The following CD99L2 variants were observed in gnomAD, a reference collection of about 807,000 sequenced individuals.
CD99L2 encodes CD99 molecule like 2, also known as CD99 antigen-like protein 2.
In CD99L2, 24 loss-of-function variants were observed where a neutral mutation model predicts 27.3. The ratio of observed to expected loss-of-function variants is 0.88; its 90% confidence interval spans 0.64 to 1.24. The LOEUF (loss-of-function observed/expected upper bound fraction) is 1.24. CD99L2 is among the 50% of genes most tolerant of loss of function. The pLI, the probability that CD99L2 is intolerant of heterozygous loss-of-function variation, is 0.00. For synonymous variants in CD99L2, 97 were observed against 87.9 expected (o/e 1.10, Z -0.58); for missense variants, 255 against 221.6 (o/e 1.15, Z -0.96).
chrX:150,852,252 G>C (rs1208004460), intron 1 of CD99L2, among the ~76,000 whole-genome samples: 1 of 111,394 alleles, frequency 9.0e-6, no homozygotes, highest in Non-Finnish European at 1.9e-5. Flanking sequence ...AGACTTGTTT[G>C]TAGGAGGCCA....
rs782304117 is a variant in CD99L2, at chrX:150,776,220, G to A, written c.609C>T (p.Ser203=). The stretch of plus-strand genomic sequence containing the variant: ...TCTTCTGCTGGTAGGAGATGTAGCT[G>A]GAGACGGCACCGATGAGGGCCATGG... ...ALAMALIGAV[S]SYISYQQKKF... Residue 203 remains serine, a synonymous_variant, in exon 9 of 11, where the codon TCC becomes TCT. Transcript: ENST00000370377. 8.3e-7 allele frequency: 1 copy of A among 1,211,957 alleles called. No homozygotes were observed.
At chrX:150,875,195 T>A (rs1179841231) in intron 1 of CD99L2, among the ~76,000 whole-genome samples, 1 of 112,072 alleles carries the variant, frequency 8.9e-6, no homozygotes, top group Non-Finnish European at 1.9e-5. Context: ...TTGAGATAAT[T>A]ACAGATTCAC....
chrX:150,851,643 C>G (rs1156562121), intron 1 of CD99L2, among the ~76,000 whole-genome samples: 1 of 112,200 alleles, frequency 8.9e-6, no homozygotes, highest in Non-Finnish European at 1.9e-5. Flanking sequence ...ATGGGTGGCC[C>G]TGGGTTAAAA....
chrX:150,789,902 A>C (rs1557419675), intron 7 of CD99L2, among the ~76,000 whole-genome samples: 1 of 112,264 alleles, frequency 8.9e-6, no homozygotes, highest in East Asian at 2.8e-4. Context: ...AGTTTTATTT[A>C]TAGCAGTTTT....
rs1363075845 is a variant in CD99L2 at position 150,824,188 on chromosome X, GGAAGAAGAA to G, written c.130+7034_130+7042del. Among the ~76,000 whole-genome samples, 151 of 70,480 alleles carry G rather than the reference GGAAGAAGAA, an allele frequency of 2.1e-3. 2 individuals are homozygous for G. Among genetic ancestry groups the G allele is most frequent in the East Asian group, 3.5e-3 (7 of 1,993 alleles). 61.2% of individuals were successfully genotyped at this position (70,480 alleles called of 115,157 possible). A position where few individuals can be genotyped will look rare whatever the true frequency, so the allele number is the denominator to read the frequency against. ...AGGAGGAGGAGGAGAAGGAGGAGGAGGAAGAAGAAGAGGAGGAGGAAGAGGAGGAGGAAG... is the reference window on the plus strand; with the variant it reads ...AGGAGGAGGAGGAGAAGGAGGAGGAGGAGGAGGAGGAAGAGGAGGAGGAAG... On this transcript the variant is annotated intron_variant, in intron 2 of 10. Transcript: ENST00000370377.
intron 1 of CD99L2, among the ~76,000 whole-genome samples, chrX:150,877,944 C>T (rs782063644): frequency 4.1e-5 from 4 of 97,227 alleles, no homozygotes; most frequent in Non-Finnish European, 8.1e-5. Flanking sequence ...AGAGTAAGAC[C>T]TTATCTCAAA....
chrX:150,784,060 G>A (rs782742285), intron 7 of CD99L2, among the ~76,000 whole-genome samples: 1 of 111,611 alleles, frequency 9.0e-6, no homozygotes, highest in Non-Finnish European at 1.9e-5. Context: ...GAGCAACGGA[G>A]TAGACACTGC....
chrX:150,840,243 GA>G (rs1395702607), intron 1 of CD99L2, among the ~76,000 whole-genome samples: 3 of 105,269 alleles, frequency 2.8e-5, no homozygotes, highest in African/African-American at 7.0e-5. Flanking sequence ...GAAAAAGAAA[GA>G]AAAAAAAGAA....
chrX:150,844,534 T>TACC (rs1316395556), intron 1 of CD99L2, among the ~76,000 whole-genome samples: 1 of 112,008 alleles, frequency 8.9e-6, no homozygotes, highest in East Asian at 2.8e-4. Flanking sequence ...TAACTCTTGT[T>TACC]ACCTCAGTCT....
chrX:150,770,650 G>T (rs782432613), intron 9 of CD99L2, among the ~76,000 whole-genome samples: 1 of 113,100 alleles, frequency 8.8e-6, no homozygotes, highest in South Asian at 3.6e-4. Context: ...AGCTGCCACC[G>T]CGTCAAGACG....
chrX:150,877,795 G>T (rs1446563835), intron 1 of CD99L2, among the ~76,000 whole-genome samples: 1 of 110,867 alleles, frequency 9.0e-6, no homozygotes, highest in African/African-American at 3.3e-5. Context: ...TTCCAGCCTG[G>T]GCAACAGTGA....
At chrX:150,809,342 A>G (rs1486093411) in intron 4 of CD99L2, among the ~76,000 whole-genome samples, 2 of 112,254 alleles carry the variant, frequency 1.8e-5, no homozygotes, top group African/African-American at 6.5e-5. Flanking sequence ...GCAACCTTGT[A>G]TAAGACACTG....
intron 7 of CD99L2, among the ~76,000 whole-genome samples, chrX:150,782,825 T>C (rs189666817): frequency 6.6e-4 from 73 of 110,943 alleles, no homozygotes; most frequent in African/African-American, 2.4e-3. Context: ...TAACATCCTA[T>C]TGGGGGTTAG....
chrX:150,824,310 G>A (rs1156989753), intron 2 of CD99L2, among the ~76,000 whole-genome samples: 2 of 75,608 alleles, frequency 2.6e-5, no homozygotes, highest in Admixed American at 1.4e-4. Flanking sequence ...AAGAAGAGGA[G>A]GAGGAGGAGG....
In CD99L2 at chrX:150,893,859, G is replaced by A. The variant is rs782817657; in HGVS notation, c.67+4663C>T. ...GCCTCCCGAGTAGCTGGGACTACAA[G>A]CGTGTACCACCATGCCCAGCTAATT... On this transcript the variant is annotated intron_variant, in intron 1 of 10. Transcript: ENST00000370377. Among the ~76,000 whole-genome samples, 140 of 109,880 alleles carry A rather than the reference G, an allele frequency of 1.3e-3. 2 individuals are homozygous for A. In the Middle Eastern group the frequency reaches 0.028, roughly 22 times the overall value.
rs62609314 is a variant in CD99L2 at position 150,865,553 on chromosome X, T to C, written c.67+32969A>G. Among the ~76,000 whole-genome samples the C allele has an allele frequency of 3.5e-3, 395 of 111,640 alleles. 1 individual carries two copies. Among genetic ancestry groups the C allele is most frequent in the Non-Finnish European group, 6.4e-3 (342 of 53,083 alleles). ...AGAGAGGGGTCTTGCACACCTTCCA[T>C]GGTGACCTGAGATGTGAGATGAACT... On this transcript the variant is annotated intron_variant, in intron 1 of 10. Coordinates refer to ENST00000370377, the MANE Select transcript of CD99L2 (RefSeq NM_031462.4).
intron 5 of CD99L2, 48 bp downstream of exon 5, chrX:150,795,370 C>T (rs2045779025): frequency 2.5e-6 from 3 of 1,202,271 alleles, no homozygotes; most frequent in Admixed American, 4.4e-5. Context: ...TCAGAGGGAG[C>T]CCCATGGGAT....
chrX:150,888,480 G>C (rs1054232943), intron 1 of CD99L2, among the ~76,000 whole-genome samples: 24 of 112,148 alleles, frequency 2.1e-4, no homozygotes, highest in African/African-American at 7.1e-4. Context: ...TCCAGAATGG[G>C]CAAATCCAGA....
Position 150,898,641 on chromosome X carries a change from C to G in CD99L2, c.-53G>C. 9.7e-7 allele frequency: 1 copy of G among 1,031,915 alleles called. No homozygotes were observed. Among genetic ancestry groups the G allele is most frequent in the Non-Finnish European group, 1.3e-6 (1 of 794,657 alleles). The allele number at this position is 1,031,915 out of a possible 1,213,427, so 85.0% of individuals were successfully genotyped here. A position where few individuals can be genotyped will look rare whatever the true frequency, so the allele number is the denominator to read the frequency against. On this transcript the variant is annotated 5_prime_UTR_variant, in exon 1 of 11. Coordinates refer to ENST00000370377, the MANE Select transcript of CD99L2 (RefSeq NM_031462.4). ...GGAGCACAGTTAGCGCGAGAGCGCC[C>G]GAAGGGGAGGCCGAGGAGGAGCGGG...
Sources: allele counts gnomAD v4.1 joint callset (sites outside exome capture counted in the v4.1 genomes callset), GRCh38; gene constraint gnomAD v4.1.1; transcripts MANE v1.5; gene names NCBI Gene and HGNC (gene_info 2026-07-23, HGNC 2026-07-21).